Variants in ZRANB3 observed in about 807,000 individuals in gnomAD.
The protein encoded by ZRANB3 is zinc finger RANBP2-type containing 3, also known as DNA annealing helicase and endonuclease ZRANB3.
ZRANB3 carries 125 observed loss-of-function variants against 133.8 expected under a neutral mutation model. That is an observed-to-expected ratio of 0.93 (90% CI 0.81 to 1.08). ZRANB3 has a LOEUF of 1.08. Ranked by LOEUF, ZRANB3 falls within the 50% of genes least tolerant of loss-of-function variation. The probability of loss-of-function intolerance (pLI) is 0.00; values close to 1 mark genes in which losing one functional copy is unlikely to be tolerated. For missense variants in ZRANB3, 1,229 were observed against 1,275.5 expected, an observed-to-expected ratio of 0.96 and a Z score of 0.56; for synonymous variants, 387 against 432.7, an observed-to-expected ratio of 0.89 and a Z score of 1.31.
intron 6 of ZRANB3, among the ~76,000 whole-genome samples, chr2:135,329,463 CT>C (rs1332695341): frequency 1.3e-5 from 2 of 152,166 alleles, no homozygotes; most frequent in Admixed American, 1.3e-4. Context: ...TTACTGTAGC[CT>C]TACAGCATAG....
At chr2:135,259,763 C>A (rs769611126) in intron 12 of ZRANB3, among the ~76,000 whole-genome samples, 1 of 152,004 alleles carries the variant, frequency 6.6e-6, no homozygotes, top group East Asian at 1.9e-4. Flanking sequence ...ATTACCCATA[C>A]TAAATTAGAG....
chr2:135,462,607 T>C (rs1343961772), intron 2 of ZRANB3, among the ~76,000 whole-genome samples: 1 of 150,360 alleles, frequency 6.7e-6, no homozygotes, highest in Non-Finnish European at 1.5e-5. Context: ...TTCTTTTTCT[T>C]TTTTTTTTTC....
At chr2:135,437,851 AG>A (rs1689614221) in intron 2 of ZRANB3, among the ~76,000 whole-genome samples, 1 of 152,214 alleles carries the variant, frequency 6.6e-6, no homozygotes, top group South Asian at 2.1e-4. Context: ...TATGTCTGTG[AG>A]GATGTTTCCA....
intron 15 of ZRANB3, among the ~76,000 whole-genome samples, chr2:135,220,191 C>T (rs1275531533): frequency 6.6e-6 from 1 of 152,078 alleles, no homozygotes; most frequent in Non-Finnish European, 1.5e-5. Flanking sequence ...AGGCATGAGC[C>T]ACCACGCCCA....
intron 6 of ZRANB3, among the ~76,000 whole-genome samples, chr2:135,327,110 T>C (rs1683875520): frequency 6.6e-6 from 1 of 152,076 alleles, no homozygotes; most frequent in Admixed American, 6.6e-5. Context: ...CATTATACTA[T>C]AGGATGTACT....
rs112610620 is a variant in ZRANB3 at position 135,329,126 on chromosome 2, C to A, written c.678-13596G>T. 3.0e-3 allele frequency among the ~76,000 whole-genome samples: 452 copies of A among 152,190 alleles called. 2 individuals carry two copies. Among genetic ancestry groups the A allele is most frequent in the African/African-American group, 0.01 (421 of 41,534 alleles). On this transcript the variant is annotated intron_variant, in intron 6 of 20. Transcript: ENST00000264159. ...TGCTTTTGGTGTTTTAGTCATGAGG[C>A]CCTTGCCCATGCCTATATCCTGAAT... is the stretch of plus-strand genomic sequence containing the variant.
intron 2 of ZRANB3, among the ~76,000 whole-genome samples, chr2:135,466,210 T>C (rs940571375): frequency 2.0e-5 from 3 of 151,412 alleles, no homozygotes; most frequent in Non-Finnish European, 3.0e-5. Flanking sequence ...TGGTGAAACA[T>C]TATCTCTACT....
At chr2:135,390,526 T>G (rs1167640501) in intron 3 of ZRANB3, among the ~76,000 whole-genome samples, 4 of 152,140 alleles carry the variant, frequency 2.6e-5, no homozygotes, top group Non-Finnish European at 5.9e-5. Flanking sequence ...GGGCTGCATT[T>G]CAAAACTCAT....
Position 135,504,403 on chromosome 2 carries a change from C to T in ZRANB3, c.87G>A (p.Leu29=), listed in dbSNP as rs777645146. The change falls in exon 2 of 21, where the codon TTG becomes TTA. Residue 29 remains leucine (L), a synonymous_variant. Transcript: ENST00000264159. The part of the protein sequence containing the change: ...TNESDNLLDF[L]PDRLRAKLLP... ...GTAGCTTTGCTCTTAGTCTGTCAGG[C>T]AAAAAATCCAGCAGATTATCAGATT... 5.6e-6 allele frequency: 9 copies of T among 1,613,272 alleles called. No homozygotes were observed. In the East Asian group the frequency reaches 1.3e-4, roughly 24 times the overall value.
chr2:135,286,346 C>A (rs1013601930), intron 8 of ZRANB3, among the ~76,000 whole-genome samples: 3 of 152,156 alleles, frequency 2.0e-5, no homozygotes, highest in African/African-American at 7.2e-5. Flanking sequence ...GGTACAATCT[C>A]GGCTCACAAC....
At chr2:135,331,367 C>A (rs566810850) in intron 6 of ZRANB3, among the ~76,000 whole-genome samples, 1 of 152,234 alleles carries the variant, frequency 6.6e-6, no homozygotes, top group African/African-American at 2.4e-5. Flanking sequence ...TGTAGTTGTG[C>A]AGTTTTGAGT....
At chr2:135,309,172 G>A (rs1404307507) in intron 8 of ZRANB3, among the ~76,000 whole-genome samples, 2 of 151,942 alleles carry the variant, frequency 1.3e-5, no homozygotes, top group Non-Finnish European at 2.9e-5. Context: ...TAGTAGAGAC[G>A]GGGTTTCACC....
intron 2 of ZRANB3, among the ~76,000 whole-genome samples, chr2:135,454,979 A>T (rs1308579766): frequency 1.3e-5 from 2 of 152,096 alleles, no homozygotes; most frequent in Non-Finnish European, 2.9e-5. Flanking sequence ...CAAATCCAAC[A>T]GTCTTGCTAT....
chr2:135,525,213 A>C (rs1218258030), intron 1 of ZRANB3, among the ~76,000 whole-genome samples: 2 of 152,210 alleles, frequency 1.3e-5, no homozygotes, highest in African/African-American at 4.8e-5. Context: ...GAGACTAAAC[A>C]CCAAAGGATA....
intron 1 of ZRANB3, among the ~76,000 whole-genome samples, chr2:135,520,351 T>A (rs893043118): frequency 8.6e-5 from 13 of 151,624 alleles, no homozygotes; most frequent in Admixed American, 7.9e-4. Context: ...GCCAAGTTCA[T>A]GCCACTGCAC....
chr2:135,222,761 A>T (rs1211173046), intron 15 of ZRANB3, among the ~76,000 whole-genome samples: 2 of 151,984 alleles, frequency 1.3e-5, no homozygotes, highest in Non-Finnish European at 2.9e-5. Flanking sequence ...AAAAAATGTT[A>T]TTTTTATATA....
At chr2:135,348,401 G>A (rs996044339) in intron 5 of ZRANB3, among the ~76,000 whole-genome samples, 2 of 151,838 alleles carry the variant, frequency 1.3e-5, no homozygotes, top group African/African-American at 4.8e-5. Context: ...ACAATCATCA[G>A]GACCCACAAA....
At position 135,431,247 on chromosome 2, in the gene ZRANB3, G is replaced by A. The variant is rs925793863; in HGVS notation, c.162-40427C>T. Among the ~76,000 whole-genome samples, 15 of 151,630 alleles carry A rather than the reference G, an allele frequency of 9.9e-5. No homozygotes were observed. In the East Asian group the frequency reaches 2.3e-3, roughly 23 times the overall value. On this transcript the variant is annotated intron_variant, in intron 2 of 20. Transcript: ENST00000264159. ...GTCGAGGCTGCAGTGATCCATGATC[G>A]CACCACTGCATTCCAGACTGAATGA...
chr2:135,452,510 T>C (rs1690320426), intron 2 of ZRANB3, among the ~76,000 whole-genome samples: 1 of 152,174 alleles, frequency 6.6e-6, no homozygotes, highest in Non-Finnish European at 1.5e-5. Context: ...CTTCCACCTA[T>C]GAACCTGTAA....
Sources: gnomAD v4.1 joint callset for allele counts (sites outside exome capture counted in the v4.1 genomes callset) on GRCh38, gnomAD v4.1.1 for gene constraint, MANE v1.5 for transcripts, NCBI Gene and HGNC (gene_info 2026-07-23, HGNC 2026-07-21) for gene names.